Variants in TNRC6A observed in about 807,000 individuals in gnomAD.
The protein encoded by TNRC6A is trinucleotide repeat-containing gene 6A protein.
Under a neutral mutation model 221.2 loss-of-function variants are expected in TNRC6A, and 44 were observed. That is an observed-to-expected ratio of 0.20 (90% CI 0.16 to 0.26). TNRC6A has a LOEUF of 0.26. Among genes scored for constraint, TNRC6A ranks in the 10% least tolerant of loss-of-function variants. The pLI is 1.00. For synonymous variants in TNRC6A, 847 were observed against 838.5 expected (o/e 1.01, Z -0.18); for missense variants, 2,199 against 2,404.4 (o/e 0.91, Z 1.79).
chr16:24,717,758 C>CTT (rs796163303), intron 2 of TNRC6A, among the ~76,000 whole-genome samples: 7 of 116,804 alleles, frequency 6.0e-5, no homozygotes, highest in Non-Finnish European at 8.9e-5. Flanking sequence ...CAAGGTTCAT[C>CTT]TTTTTTTTTT....
chr16:24,795,398 A>G (rs2058198284), intron 8 of TNRC6A, among the ~76,000 whole-genome samples: 1 of 152,170 alleles, frequency 6.6e-6, no homozygotes, highest in Non-Finnish European at 1.5e-5. Context: ...GATTTAGAGC[A>G]CTGGTTCTTA....
At chr16:24,778,438 T>A in intron 5 of TNRC6A, 1 of 985,452 alleles carries the variant, frequency 1.0e-6, no homozygotes. Flanking sequence ...ACATACAGGA[T>A]GTGATTGGTA....
chr16:24,786,030 G>A (rs926733720), intron 5 of TNRC6A, among the ~76,000 whole-genome samples: 1 of 152,150 alleles, frequency 6.6e-6, no homozygotes, highest in African/African-American at 2.4e-5. Context: ...GCCCCGTTTG[G>A]GAGGAGAGCA....
chr16:24,723,575 CAGAGCAAGA>C (rs2056446669), intron 2 of TNRC6A, among the ~76,000 whole-genome samples: 2 of 126,112 alleles, frequency 1.6e-5, no homozygotes, highest in Non-Finnish European at 3.2e-5. Context: ...GACTGGGTGA[CAGAGCAAGA>C]CTCTGTCAAA....
intron 4 of TNRC6A, among the ~76,000 whole-genome samples, chr16:24,761,478 T>C (rs73548995): frequency 0.059 from 8,972 of 152,224 alleles, 728 homozygotes; most frequent in East Asian, 0.36. Context: ...TAATGTTCCT[T>C]CTTCAGAGTG....
chr16:24,824,800 C>A lies in TNRC6A; in HGVS notation c.*993C>A, dbSNP rs1007431921. 2 of 149,728 alleles carry A rather than the reference C, an allele frequency of 1.3e-5. No homozygotes were observed. The highest frequency in any genetic ancestry group is 1.5e-5 in the Non-Finnish European group (1 of 67,430). 9.3% of individuals were successfully genotyped at this position (149,728 alleles called of 1,614,324 possible). On this transcript the variant is annotated 3_prime_UTR_variant, in exon 25 of 25. Coordinates refer to ENST00000395799, the MANE Select transcript of TNRC6A (RefSeq NM_014494.4). ...AAAAAAAAAAAATTCCTTGTAGTTT[C>A]TTAGAGGAAAAAAAGAAAAACCCCA...
rs1204274930 is a variant in TNRC6A, at chr16:24,797,540, T to G, written c.3612T>G (p.Phe1204Leu). 5 of 1,612,338 alleles carry G rather than the reference T, an allele frequency of 3.1e-6. No individual in the cohort carries two copies. Among genetic ancestry groups the G allele is most frequent in the Admixed American group, 1.7e-5 (1 of 59,630 alleles). ...AAGAAGAAGCGTGGATAAATCCATT[T>G]GTTAAACAGTTTTCAAACATCAGTT... The part of the protein sequence containing the change: ...NKQEEAWINP[F>L]VKQFSNISFS... Residue 1204 changes from phenylalanine to leucine, a missense_variant, in exon 10 of 25, where the codon TTT (phenylalanine) becomes TTG (leucine). Physicochemically the swap from Phe to Leu is conservative, Grantham distance 22 (BLOSUM62 0). Transcript: ENST00000395799.
At chr16:24,776,226 CTT>C in intron 4 of TNRC6A, 1 of 977,418 alleles carries the variant, frequency 1.0e-6, no homozygotes, top group Non-Finnish European at 1.2e-6. Flanking sequence ...TCTTTCCACT[CTT>C]TTATGAGTCA....
At position 24,777,108 on chromosome 16, in the gene TNRC6A, A is replaced by T; in HGVS notation, c.339A>T (p.Pro113=). Residue 113 remains proline (P), a synonymous_variant, in exon 5 of 25, where the codon CCA becomes CCT. Transcript: ENST00000395799. ...AGCAGCAGCAGCCACAGCAGCAGCC[A>T]CAGCCGCAGCCGCAGCAGCAGCAGC... ...QPQQQQPQQQ[P]QPQPQQQQPQ... 1 of 1,089,842 alleles carries T rather than the reference A, an allele frequency of 9.2e-7. No homozygotes were observed. The highest frequency in any genetic ancestry group is 1.3e-6 in the Non-Finnish European group (1 of 767,768). 67.5% of individuals were successfully genotyped at this position (1,089,842 alleles called of 1,614,324 possible). A position where few individuals can be genotyped will look rare whatever the true frequency, so the allele number is the denominator to read the frequency against.
intron 3 of TNRC6A, among the ~76,000 whole-genome samples, chr16:24,754,695 A>G (rs925668200): frequency 1.5e-4 from 23 of 152,184 alleles, no homozygotes; most frequent in African/African-American, 5.5e-4. Flanking sequence ...AGGTTGAGAA[A>G]TAGGTTAATT....
At chr16:24,664,753 T>G in intron 2 of TNRC6A, 1 of 335,776 alleles carries the variant, frequency 3.0e-6, no homozygotes, top group South Asian at 2.3e-5. Flanking sequence ...TAGGGTGCCT[T>G]GCAGTAATCC....
At chr16:24,636,828 T>TC (rs1395744678) in intron 1 of TNRC6A, among the ~76,000 whole-genome samples, 1 of 152,184 alleles carries the variant, frequency 6.6e-6, no homozygotes. Flanking sequence ...GTTCAGATAT[T>TC]CCCTATTAAT....
chr16:24,750,561 A>G (rs1415469743), intron 2 of TNRC6A, among the ~76,000 whole-genome samples, 165 bp from the exon 3 acceptor site: 2 of 152,228 alleles, frequency 1.3e-5, no homozygotes, highest in Non-Finnish European at 2.9e-5. Context: ...TAGTGGCTAT[A>G]TAGTTAGGGT....
At chr16:24,696,119 C>T (rs1199710439) in intron 2 of TNRC6A, among the ~76,000 whole-genome samples, 1 of 151,914 alleles carries the variant, frequency 6.6e-6, no homozygotes, top group African/African-American at 2.4e-5. Context: ...GAGGCCGAGG[C>T]GGGTGGATCA....
intron 2 of TNRC6A, among the ~76,000 whole-genome samples, chr16:24,719,055 A>G (rs1430740254): frequency 2.0e-5 from 3 of 151,844 alleles, no homozygotes; most frequent in Non-Finnish European, 4.4e-5. Flanking sequence ...AAAAAAGAAA[A>G]GAAAAAGGAA....
At chr16:24,807,677 T>A (rs949032000) in intron 17 of TNRC6A, among the ~76,000 whole-genome samples, 5 of 151,470 alleles carry the variant, frequency 3.3e-5, no homozygotes, top group Non-Finnish European at 5.9e-5. Flanking sequence ...TCCAGGCTTT[T>A]ATTCACTGGG....
At chr16:24,664,935 A>G (rs1341120020) in intron 2 of TNRC6A, 1 of 456,280 alleles carries the variant, frequency 2.2e-6, no homozygotes, top group African/African-American at 2.0e-5. Flanking sequence ...AGAAGCCAGC[A>G]GAAGTAAGGC....
chr16:24,635,268 C>A (rs560227884), intron 1 of TNRC6A, among the ~76,000 whole-genome samples: 1 of 150,632 alleles, frequency 6.6e-6, no homozygotes, highest in Admixed American at 6.7e-5. Flanking sequence ...AGATTCTGCA[C>A]GTTTATTTAT....
At chr16:24,731,886 C>T (rs1402519272) in intron 2 of TNRC6A, among the ~76,000 whole-genome samples, 1 of 152,192 alleles carries the variant, frequency 6.6e-6, no homozygotes, top group Non-Finnish European at 1.5e-5. Context: ...ATAAAACGAG[C>T]GGCGTGGGCC....
Sources: gnomAD v4.1 joint callset for allele counts (sites outside exome capture counted in the v4.1 genomes callset) on GRCh38, gnomAD v4.1.1 for gene constraint, MANE v1.5 for transcripts, NCBI Gene and HGNC (gene_info 2026-07-23, HGNC 2026-07-21) for gene names.